Variants in FBXL4 observed in about 807,000 individuals in gnomAD.
FBXL4 encodes F-box/LRR-repeat protein 4.
Under a neutral mutation model 58.9 loss-of-function variants are expected in FBXL4, and 40 were observed. The observed-to-expected ratio is 0.68, with a 90% CI of 0.53 to 0.88. The LOEUF (loss-of-function observed/expected upper bound fraction) is 0.88. Ranked by LOEUF, FBXL4 falls within the 40% of genes least tolerant of loss-of-function variation. The pLI, the probability that FBXL4 is intolerant of heterozygous loss-of-function variation, is 0.00. For synonymous variants in FBXL4, 263 were observed against 265.5 expected (o/e 0.99, Z 0.09); for missense variants, 676 against 734.4 (o/e 0.92, Z 0.92).
chr6:98,915,402 C>T (rs1237972398), intron 5 of FBXL4, among the ~76,000 whole-genome samples: 8 of 152,112 alleles, frequency 5.3e-5, no homozygotes, highest in African/African-American at 1.9e-4. Flanking sequence ...AGGCATCATG[C>T]TACCTGACTT....
chr6:98,941,316 A>G (rs531562137), intron 1 of FBXL4, among the ~76,000 whole-genome samples: 1 of 151,464 alleles, frequency 6.6e-6, no homozygotes, highest in Non-Finnish European at 1.5e-5. Context: ...TCTGATGCAA[A>G]AACTACATAT....
In FBXL4 at chr6:98,907,055, T is replaced by C. The variant is rs183819673; in HGVS notation, c.859-1385A>G. 5.6e-4 allele frequency among the ~76,000 whole-genome samples: 85 copies of C among 152,350 alleles called. 1 individual carries two copies. Among genetic ancestry groups the C allele is most frequent in the Middle Eastern group, 3.4e-3 (1 of 294 alleles). On this transcript the variant is annotated intron_variant, in intron 5 of 9. Coordinates refer to ENST00000369244, the MANE Select transcript of FBXL4 (RefSeq NM_001278716.2). ...TAAATTTGTTTAACTTCTTTGTAGA[T>C]TCTGGATATTAGCCCTTTGTCAGAT...
At chr6:98,910,853 C>T (rs534859217) in intron 5 of FBXL4, among the ~76,000 whole-genome samples, 41 of 152,198 alleles carry the variant, frequency 2.7e-4, no homozygotes, top group African/African-American at 6.7e-4. Context: ...GCGCACCGTG[C>T]GCCAGCCGAA....
In FBXL4 at chr6:98,874,237, C is replaced by G. The variant is rs1326114224; in HGVS notation, c.*41G>C. ...CCAAAACCAATCCCAAAATTAAACC[C>G]CAACAAAGCACATTAATTTTAATAC... is the stretch of plus-strand genomic sequence containing the variant. On this transcript the variant is annotated 3_prime_UTR_variant, in exon 10 of 10. Coordinates refer to ENST00000369244, the MANE Select transcript of FBXL4 (RefSeq NM_001278716.2). 7.0e-7 allele frequency: 1 copy of G among 1,438,578 alleles called. No homozygotes were observed. Among genetic ancestry groups the G allele is most frequent in the South Asian group, 1.6e-5 (1 of 61,014 alleles). The allele number at this position is 1,438,578 out of a possible 1,614,324, so 89.1% of individuals were successfully genotyped here.
intron 7 of FBXL4, 61 bp from the exon 8 acceptor site, chr6:98,880,685 A>C: frequency 7.1e-7 from 1 of 1,411,128 alleles, no homozygotes; most frequent in Non-Finnish European, 1.0e-6. Context: ...AAACAAAGAG[A>C]AGAGGTCAAT....
intron 7 of FBXL4, chr6:98,899,028 T>C (rs1771507226): frequency 1.0e-6 from 1 of 985,264 alleles, no homozygotes; most frequent in Admixed American, 6.2e-5. Context: ...CCTGGGGACA[T>C]AAATAGCATC....
At chr6:98,876,240 C>G (rs1415123361) in intron 8 of FBXL4, among the ~76,000 whole-genome samples, 1 of 152,118 alleles carries the variant, frequency 6.6e-6, no homozygotes, top group Non-Finnish European at 1.5e-5. Context: ...ACTGCATATA[C>G]AACATGAAAA....
rs1770453334 is a variant in FBXL4, at chr6:98,870,071, T to C, written c.*4207A>G. On this transcript the variant is annotated 3_prime_UTR_variant, in exon 10 of 10. Transcript: ENST00000369244. The stretch of plus-strand genomic sequence containing the variant: ...AAATTTAACAAACAAAGAGTCTACA[T>C]AAATATCTTTCTTGTCTACACATCT... 1.3e-5 allele frequency: 2 copies of C among 152,198 alleles called. No homozygotes were observed. The highest frequency in any genetic ancestry group is 2.1e-4 in the South Asian group (1 of 4,830). The allele number at this position is 152,198 out of a possible 1,614,324, so 9.4% of individuals were successfully genotyped here. A position where few individuals can be genotyped will look rare whatever the true frequency, so the allele number is the denominator to read the frequency against.
At chr6:98,935,308 T>G (rs918353233) in intron 1 of FBXL4, among the ~76,000 whole-genome samples, 13 of 142,006 alleles carry the variant, frequency 9.2e-5, no homozygotes, top group South Asian at 4.3e-4. Context: ...TGGTTTTTTG[T>G]TTTTTTTTTT....
At chr6:98,885,281 A>AT (rs1247849738) in intron 7 of FBXL4, among the ~76,000 whole-genome samples, 1 of 152,092 alleles carries the variant, frequency 6.6e-6, no homozygotes, top group Admixed American at 6.5e-5. Context: ...TTTTTATATT[A>AT]TGCAGAGGTG....
At chr6:98,877,518 A>C (rs1353650418) in intron 8 of FBXL4, among the ~76,000 whole-genome samples, 4 of 152,188 alleles carry the variant, frequency 2.6e-5, no homozygotes, top group African/African-American at 9.7e-5. Flanking sequence ...GGAAAATAAA[A>C]ATGAAACTAA....
chr6:98,894,510 A>C (rs866885059), intron 7 of FBXL4, among the ~76,000 whole-genome samples: 1 of 152,170 alleles, frequency 6.6e-6, no homozygotes, highest in Non-Finnish European at 1.5e-5. Context: ...GGGATTACAC[A>C]CTAAACAGGG....
chr6:98,936,540 TGAC>T lies in FBXL4; in HGVS notation c.-308-1664_-308-1662del, dbSNP rs1773225108. On this transcript the variant is annotated intron_variant, in intron 1 of 9. Coordinates refer to ENST00000369244, the MANE Select transcript of FBXL4 (RefSeq NM_001278716.2). ...TTCCTCCCTCTTAGTCTATTTAACA[TGAC>T]GACAATGAGGATGAATACCTTTATG... 1.3e-5 allele frequency among the ~76,000 whole-genome samples: 2 copies of T among 152,214 alleles called. 1 individual carries two copies. Among genetic ancestry groups the T allele is most frequent in the Non-Finnish European group, 2.9e-5 (2 of 68,036 alleles).
intron 7 of FBXL4, among the ~76,000 whole-genome samples, chr6:98,887,603 A>G (rs778181121): frequency 4.6e-5 from 7 of 152,244 alleles, no homozygotes; most frequent in Admixed American, 3.9e-4. Flanking sequence ...ATCATTTAAT[A>G]TTAGAACTAT....
chr6:98,920,297 C>T lies in FBXL4; in HGVS notation c.513-2578G>A, dbSNP rs868324383. Among the ~76,000 whole-genome samples, 4 of 152,196 alleles carry T rather than the reference C, an allele frequency of 2.6e-5. No homozygotes were observed. In the East Asian group the frequency reaches 7.7e-4, roughly 29 times the overall value. ...ACACTGACTTCCTTAACATTTCTAGCATGTTTAAACATATTAGGATTAATG... is the reference window on the plus strand; with the variant it reads ...ACACTGACTTCCTTAACATTTCTAGTATGTTTAAACATATTAGGATTAATG... On this transcript the variant is annotated intron_variant, in intron 4 of 9. Coordinates refer to ENST00000369244, the MANE Select transcript of FBXL4 (RefSeq NM_001278716.2).
intron 2 of FBXL4, among the ~76,000 whole-genome samples, chr6:98,929,322 A>C (rs1160665293): frequency 6.6e-6 from 1 of 152,198 alleles, no homozygotes; most frequent in East Asian, 1.9e-4. Context: ...CTGTAATCCC[A>C]GCACTTTGGG....
intron 4 of FBXL4, 65 bp downstream of exon 4, chr6:98,926,412 T>A: frequency 6.9e-7 from 1 of 1,451,082 alleles, no homozygotes; most frequent in Non-Finnish European, 9.3e-7. Flanking sequence ...ATAAAAAAGA[T>A]CTCCAATATT....
At position 98,926,698 on chromosome 6, in the gene FBXL4, A is replaced by T; in HGVS notation, c.291T>A (p.Phe97Leu). The T allele has an allele frequency of 3.7e-6, 6 of 1,614,202 alleles. No individual in the cohort carries two copies. Among genetic ancestry groups the T allele is most frequent in the Non-Finnish European group, 5.1e-6 (6 of 1,180,048 alleles). ...GATCCCACCATGTCCCATAAGTTCG[A>T]AACACAGCTGTCTGAGTAAAGTCAC... ...SSGDFTQTAV[F>L]RTYGTWWDQC... Residue 97 changes from phenylalanine (F) to leucine (L), a missense_variant, in exon 4 of 10, where the codon TTT (phenylalanine) becomes TTA (leucine). Transcript: ENST00000369244.
intron 1 of FBXL4, among the ~76,000 whole-genome samples, chr6:98,938,823 C>T (rs939572538): frequency 1.3e-5 from 2 of 151,956 alleles, no homozygotes; most frequent in African/African-American, 4.8e-5. Context: ...CGGCTCATGC[C>T]TGTAATCCCA....
Sources: allele counts gnomAD v4.1 joint callset (sites outside exome capture counted in the v4.1 genomes callset), GRCh38; gene constraint gnomAD v4.1.1; transcripts MANE v1.5; gene names NCBI Gene and HGNC (gene_info 2026-07-23, HGNC 2026-07-21).